Variants in NELL2 observed in about 807,000 individuals in gnomAD.
NELL2 encodes neural EGFL like 2.
In NELL2, 41 loss-of-function variants were observed where a neutral mutation model predicts 109.6. The observed-to-expected ratio is 0.37, with a 90% CI of 0.29 to 0.49. The LOEUF (loss-of-function observed/expected upper bound fraction) is 0.49, where lower values mean the gene tolerates loss of function less well. Among genes scored for constraint, NELL2 ranks in the 20% least tolerant of loss-of-function variants. The pLI is 0.98. For missense variants in NELL2, 900 were observed against 1,008.3 expected, an observed-to-expected ratio of 0.89 and a Z score of 1.45; for synonymous variants, 355 against 344.7, an observed-to-expected ratio of 1.03 and a Z score of -0.33.
intron 2 of NELL2, among the ~76,000 whole-genome samples, chr12:44,835,805 G>C (rs936586988): frequency 5.3e-5 from 8 of 152,186 alleles, no homozygotes; most frequent in Non-Finnish European, 1.0e-4. Context: ...GCCAAGATGA[G>C]ACAGAGGGAT....
intron 9 of NELL2, among the ~76,000 whole-genome samples, chr12:44,765,572 T>C (rs1272337448): frequency 1.3e-5 from 2 of 152,192 alleles, no homozygotes; most frequent in Admixed American, 1.3e-4. Context: ...GAGGCTCTAG[T>C]ACATAATATA....
Position 44,875,968 on chromosome 12 carries a change from C to T in NELL2, c.-99G>A. ...AGCGGGAAAATAACGTTTGTCTCTCCTGCTGCTGCCTCGGATTTACTGATC... is the reference window on the plus strand; with the variant it reads ...AGCGGGAAAATAACGTTTGTCTCTCTTGCTGCTGCCTCGGATTTACTGATC... On this transcript the variant is annotated 5_prime_UTR_variant, in exon 1 of 20. Transcript: ENST00000429094. 1 of 1,584,290 alleles carries T rather than the reference C, an allele frequency of 6.3e-7. No homozygotes were observed. Among genetic ancestry groups the T allele is most frequent in the Non-Finnish European group, 8.5e-7 (1 of 1,171,032 alleles).
rs529034397 is a variant in NELL2, at chr12:44,798,166, C to A, written c.335+17820G>T. ...GAATAAAAGCATTCCCTCAGATTTT[C>A]TGTACTGTTTTTGAGTTGGGATTCT... On this transcript the variant is annotated intron_variant, in intron 3 of 19. Coordinates refer to ENST00000429094, the MANE Select transcript of NELL2 (RefSeq NM_001145108.2). 2.7e-5 allele frequency among the ~76,000 whole-genome samples: 4 copies of A among 150,540 alleles called. No homozygotes were observed. In the East Asian group the frequency reaches 8.0e-4, roughly 30 times the overall value.
At chr12:44,609,682 T>C (rs1328803371) in intron 14 of NELL2, among the ~76,000 whole-genome samples, 3 of 152,098 alleles carry the variant, frequency 2.0e-5, no homozygotes, top group African/African-American at 4.8e-5. Context: ...CCTACACTGA[T>C]GATTTCCATG....
chr12:44,519,920 T>A, intron 19 of NELL2, 85 bp downstream of exon 19: 3 of 1,143,682 alleles, frequency 2.6e-6, no homozygotes, highest in Non-Finnish European at 3.8e-6. Flanking sequence ...AAAACCTTCC[T>A]ATTGTCCAGG....
intron 3 of NELL2, among the ~76,000 whole-genome samples, chr12:44,782,813 C>T (rs1228457663): frequency 6.6e-6 from 1 of 151,886 alleles, no homozygotes; most frequent in Non-Finnish European, 1.5e-5. Flanking sequence ...GACGTCAACA[C>T]CCCTGTTTCA....
At chr12:44,549,624 C>T (rs1030629576) in intron 15 of NELL2, among the ~76,000 whole-genome samples, 2 of 151,828 alleles carry the variant, frequency 1.3e-5, no homozygotes, top group African/African-American at 2.4e-5. Flanking sequence ...ACACTAATGG[C>T]GAACTATTTG....
chr12:44,803,400 A>G (rs1942897448), intron 3 of NELL2, among the ~76,000 whole-genome samples: 1 of 152,084 alleles, frequency 6.6e-6, no homozygotes, highest in African/African-American at 2.4e-5. Context: ...TGTTGGCTAT[A>G]TAAGATTGTC....
rs145983805 is a variant in NELL2 at position 44,588,863 on chromosome 12, C to G, written c.1663+18306G>C. Among the ~76,000 whole-genome samples the G allele has an allele frequency of 2.3e-4, 35 of 152,318 alleles. 1 individual carries two copies. The East Asian group carries it at 6.6e-3, about 29-fold the overall frequency. On this transcript the variant is annotated intron_variant, in intron 15 of 19. Coordinates refer to ENST00000429094, the MANE Select transcript of NELL2 (RefSeq NM_001145108.2). Reference sequence around the variant, plus strand: ...ATCCATTATGCAATAATTCCCCATTCCCTTCCATCCCTTGCCTTTGGTAAC... The same window carrying G: ...ATCCATTATGCAATAATTCCCCATTGCCTTCCATCCCTTGCCTTTGGTAAC...
chr12:44,679,544 T>C (rs1481428879), intron 12 of NELL2, among the ~76,000 whole-genome samples: 1 of 152,140 alleles, frequency 6.6e-6, no homozygotes, highest in African/African-American at 2.4e-5. Flanking sequence ...TCCTGTGACC[T>C]GGGGAGAACA....
At chr12:44,712,040 A>C (rs780076037) in intron 10 of NELL2, among the ~76,000 whole-genome samples, 10 of 152,090 alleles carry the variant, frequency 6.6e-5, no homozygotes, top group Non-Finnish European at 1.3e-4. Context: ...AGGAGAAACC[A>C]AAATACAAAA....
chr12:44,523,277 T>C lies in NELL2; in HGVS notation c.1998+14A>G, dbSNP rs758247591. 2.0e-5 allele frequency: 32 copies of C among 1,613,854 alleles called. 1 individual carries two copies. In the South Asian group the frequency reaches 3.3e-4, roughly 17 times the overall value. On this transcript the variant is annotated intron_variant, in intron 17 of 19. Transcript: ENST00000429094. ...ACTGAATAAAATTAATTAAAGTTTT[T>C]CATTTATACCAACCTGACATGAGCA...
intron 2 of NELL2, among the ~76,000 whole-genome samples, chr12:44,817,126 A>G (rs1943379919): frequency 6.6e-6 from 1 of 152,196 alleles, no homozygotes; most frequent in Admixed American, 6.5e-5. Flanking sequence ...CATGCACTGT[A>G]AAACATTTAG....
intron 19 of NELL2, among the ~76,000 whole-genome samples, chr12:44,513,046 T>C (rs1365387024): frequency 6.6e-6 from 1 of 152,052 alleles, no homozygotes; most frequent in Admixed American, 6.6e-5. Context: ...ACTGTACATA[T>C]GTATCAACAC....
chr12:44,762,665 G>T (rs773579788), intron 9 of NELL2, among the ~76,000 whole-genome samples: 2 of 152,114 alleles, frequency 1.3e-5, no homozygotes, highest in African/African-American at 2.4e-5. Context: ...TCACTACACA[G>T]AGCCTCTGAA....
chr12:44,889,574 C>T (rs1436819111), intron 1 of NELL2, among the ~76,000 whole-genome samples: 1 of 152,012 alleles, frequency 6.6e-6, no homozygotes, highest in Non-Finnish European at 1.5e-5. Context: ...AAAGATAGGG[C>T]TTTGCCTATC....
At chr12:44,818,425 C>A (rs889021842) in intron 2 of NELL2, among the ~76,000 whole-genome samples, 3 of 152,098 alleles carry the variant, frequency 2.0e-5, no homozygotes, top group Non-Finnish European at 4.4e-5. Context: ...GATGGGGGTG[C>A]AAATGAGAGA....
intron 15 of NELL2, among the ~76,000 whole-genome samples, chr12:44,537,902 A>G (rs192173341): frequency 6.6e-6 from 1 of 152,296 alleles, no homozygotes; most frequent in Admixed American, 6.5e-5. Context: ...TGAAAATACA[A>G]CATGGTAACA....
intron 15 of NELL2, among the ~76,000 whole-genome samples, chr12:44,554,771 A>G (rs1943179956): frequency 6.6e-6 from 1 of 152,194 alleles, no homozygotes; most frequent in Non-Finnish European, 1.5e-5. Context: ...AAGGTAACAA[A>G]CTGTCCTTCC....
Sources: gnomAD v4.1 joint callset for allele counts (sites outside exome capture counted in the v4.1 genomes callset) on GRCh38, gnomAD v4.1.1 for gene constraint, MANE v1.5 for transcripts, NCBI Gene and HGNC (gene_info 2026-07-23, HGNC 2026-07-21) for gene names.